ANGPT1: variants seen among roughly 807,000 people sequenced by gnomAD.
The protein encoded by ANGPT1 is angiopoietin 1.
A neutral mutation model predicts 62.2 loss-of-function variants in ANGPT1; 17 were observed. The observed-to-expected ratio is 0.27, with a 90% CI of 0.19 to 0.41. The LOEUF (loss-of-function observed/expected upper bound fraction) is 0.41. Ranked by LOEUF, ANGPT1 falls within the 10% of genes least tolerant of loss-of-function variation. The pLI, the probability that ANGPT1 is intolerant of heterozygous loss-of-function variation, is 1.00. For synonymous variants in ANGPT1, 199 were observed against 198.9 expected (o/e 1.00, Z 0.00); for missense variants, 478 against 594.9 (o/e 0.80, Z 2.04).
chr8:107,494,857 A>G (rs1813052137), intron 1 of ANGPT1: 2 of 152,356 alleles, frequency 1.3e-5, no homozygotes, highest in African/African-American at 4.8e-5. Flanking sequence ...TGAGCTGCAT[A>G]ATAATCACTA....
At chr8:107,378,489 T>A (rs1367393434) in intron 1 of ANGPT1, among the ~76,000 whole-genome samples, 5 of 152,180 alleles carry the variant, frequency 3.3e-5, no homozygotes, top group Non-Finnish European at 7.3e-5. Flanking sequence ...GTGTATATGT[T>A]TATGTTTATA....
chr8:107,422,971 A>G (rs918789209), intron 1 of ANGPT1, among the ~76,000 whole-genome samples: 13 of 152,234 alleles, frequency 8.5e-5, no homozygotes, highest in Admixed American at 4.6e-4. Flanking sequence ...AGAATTGAGC[A>G]ATGTACTTCT....
At chr8:107,478,654 A>G (rs1321858873) in intron 1 of ANGPT1, among the ~76,000 whole-genome samples, 1 of 152,136 alleles carries the variant, frequency 6.6e-6, no homozygotes, top group Non-Finnish European at 1.5e-5. Context: ...AAACTCTTCA[A>G]TTTTTCCATT....
intron 1 of ANGPT1, among the ~76,000 whole-genome samples, chr8:107,417,911 G>T (rs918324875): frequency 2.6e-5 from 4 of 152,184 alleles, no homozygotes; most frequent in Admixed American, 2.0e-4. Context: ...CGGGGGACAG[G>T]GTTTCCCTCA....
At chr8:107,436,525 T>G (rs182719596) in intron 1 of ANGPT1, among the ~76,000 whole-genome samples, 359 of 152,342 alleles carry the variant, frequency 2.4e-3, no homozygotes, top group African/African-American at 7.8e-3. Flanking sequence ...AATTTAGATC[T>G]GCATTTCTTT....
intron 2 of ANGPT1, among the ~76,000 whole-genome samples, chr8:107,339,932 G>A (rs950044689): frequency 6.6e-6 from 1 of 152,178 alleles, no homozygotes; most frequent in Non-Finnish European, 1.5e-5. Flanking sequence ...GCTAAATGCC[G>A]ATCTAAAGAT....
intron 2 of ANGPT1, among the ~76,000 whole-genome samples, chr8:107,340,632 C>T (rs1275732488): frequency 2.6e-5 from 4 of 151,380 alleles, no homozygotes; most frequent in South Asian, 2.1e-4. Context: ...TCTTGGGCTC[C>T]GGTGAGGTGT....
intron 1 of ANGPT1, among the ~76,000 whole-genome samples, chr8:107,486,133 A>G (rs1812808131): frequency 1.3e-5 from 2 of 152,236 alleles, no homozygotes; most frequent in African/African-American, 4.8e-5. Flanking sequence ...AGAAAGGGGC[A>G]ACACATTTAG....
At chr8:107,431,151 T>C (rs1811175204) in intron 1 of ANGPT1, among the ~76,000 whole-genome samples, 1 of 152,200 alleles carries the variant, frequency 6.6e-6, no homozygotes, top group Non-Finnish European at 1.5e-5. Flanking sequence ...AGGTAGTGCA[T>C]GTGTGTGTGA....
At chr8:107,446,165 C>A (rs1424322420) in intron 1 of ANGPT1, among the ~76,000 whole-genome samples, 1 of 152,208 alleles carries the variant, frequency 6.6e-6, no homozygotes, top group Non-Finnish European at 1.5e-5. Context: ...GATCTGCCCG[C>A]CTTGGCTTCC....
intron 1 of ANGPT1, among the ~76,000 whole-genome samples, chr8:107,405,902 C>A (rs1001790527): frequency 1.3e-5 from 2 of 151,760 alleles, no homozygotes; most frequent in Non-Finnish European, 1.5e-5. Context: ...TACTGTAAAT[C>A]AAATTATTGG....
intron 1 of ANGPT1, among the ~76,000 whole-genome samples, chr8:107,441,879 T>A (rs1459736510): frequency 3.3e-5 from 5 of 151,788 alleles, no homozygotes; most frequent in African/African-American, 1.2e-4. Context: ...AGGTCAGGAG[T>A]TCGAGACCAG....
intron 1 of ANGPT1, among the ~76,000 whole-genome samples, chr8:107,349,122 T>TTAGATAGATGATAGATAGATAGA (rs1554584811): frequency 9.8e-4 from 141 of 143,908 alleles, no homozygotes; most frequent in African/African-American, 3.5e-3. Context: ...GATAAGGAGA[T>TTAGATAGATGATAGATAGATAGA]TAGATAGATA....
At chr8:107,460,738 A>G (rs570604076) in intron 1 of ANGPT1, among the ~76,000 whole-genome samples, 37 of 152,332 alleles carry the variant, frequency 2.4e-4, no homozygotes, top group African/African-American at 7.2e-4. Flanking sequence ...GGCAATTTTT[A>G]TGATCAAATA....
chr8:107,406,090 T>C (rs1445593205), intron 1 of ANGPT1, among the ~76,000 whole-genome samples: 1 of 151,896 alleles, frequency 6.6e-6, no homozygotes, highest in East Asian at 1.9e-4. Flanking sequence ...TCATTAATAA[T>C]TAAAATATAA....
At chr8:107,407,090 G>C (rs1402510095) in intron 1 of ANGPT1, among the ~76,000 whole-genome samples, 3 of 152,176 alleles carry the variant, frequency 2.0e-5, no homozygotes, top group African/African-American at 7.2e-5. Context: ...GACATGGCCA[G>C]AGGGCATTCT....
chr8:107,452,465 T>C (rs989173223), intron 1 of ANGPT1, among the ~76,000 whole-genome samples: 2 of 151,764 alleles, frequency 1.3e-5, no homozygotes, highest in Non-Finnish European at 2.9e-5. Flanking sequence ...ATAATCTCCC[T>C]CCCCACTTTT....
At chr8:107,285,542 T>C (rs1349704969) in intron 6 of ANGPT1, among the ~76,000 whole-genome samples, 3 of 152,154 alleles carry the variant, frequency 2.0e-5, no homozygotes, top group Non-Finnish European at 4.4e-5. Context: ...GATTTGTAAG[T>C]GCTCCTGAGT....
intron 1 of ANGPT1, among the ~76,000 whole-genome samples, chr8:107,390,520 T>TCC (rs1816814330): frequency 6.6e-6 from 1 of 152,142 alleles, no homozygotes; most frequent in African/African-American, 2.4e-5. Flanking sequence ...TCAAAGGTGG[T>TCC]AACCAAAATC....
Sources: allele counts gnomAD v4.1 joint callset (sites outside exome capture counted in the v4.1 genomes callset), GRCh38; gene constraint gnomAD v4.1.1; transcripts MANE v1.5; gene names NCBI Gene and HGNC (gene_info 2026-07-23, HGNC 2026-07-21).